The following DPYD variants were observed in gnomAD, a reference collection of about 807,000 sequenced individuals.
The protein encoded by DPYD is dihydropyrimidine dehydrogenase [NADP(+)].
Under a neutral mutation model 116.2 loss-of-function variants are expected in DPYD, and 109 were observed. That is an observed-to-expected ratio of 0.94 (90% CI 0.80 to 1.10). The LOEUF (loss-of-function observed/expected upper bound fraction) is 1.10, where lower values mean the gene tolerates loss of function less well. DPYD is among the 50% of genes least tolerant of loss of function. DPYD has a pLI of 0.00. For synonymous variants in DPYD, 440 were observed against 432.0 expected (o/e 1.02, Z -0.23); for missense variants, 1,302 against 1,254.5 (o/e 1.04, Z -0.57).
At chr1:97,614,207 G>A (rs1656127580) in intron 8 of DPYD, among the ~76,000 whole-genome samples, 1 of 151,900 alleles carries the variant, frequency 6.6e-6, no homozygotes, top group Non-Finnish European at 1.5e-5. Flanking sequence ...ACTTAAATTA[G>A]GATAACCCGA....
chr1:97,389,310 GAAAA>G (rs11349223), intron 14 of DPYD, among the ~76,000 whole-genome samples: 4 of 138,660 alleles, frequency 2.9e-5, no homozygotes, highest in Non-Finnish European at 4.7e-5. Context: ...TTTTGTCTTT[GAAAA>G]AAAAAAAAAA....
intron 13 of DPYD, among the ~76,000 whole-genome samples, chr1:97,475,709 G>C (rs924096430): frequency 6.6e-6 from 1 of 152,178 alleles, no homozygotes; most frequent in Non-Finnish European, 1.5e-5. Flanking sequence ...CTATGTTCCA[G>C]TAAGGCTTTA....
At chr1:97,747,452 T>A (rs1485507691) in intron 3 of DPYD, among the ~76,000 whole-genome samples, 1 of 152,118 alleles carries the variant, frequency 6.6e-6, no homozygotes, top group Non-Finnish European at 1.5e-5. Context: ...TTATTCACCT[T>A]AAAGATGGTG....
intron 11 of DPYD, among the ~76,000 whole-genome samples, chr1:97,572,882 A>C (rs915122511): frequency 2.0e-5 from 3 of 151,982 alleles, no homozygotes; most frequent in African/African-American, 7.2e-5. Flanking sequence ...ATCTCTTCCA[A>C]CTTCAGACAA....
At chr1:97,858,532 T>A (rs974109902) in intron 2 of DPYD, among the ~76,000 whole-genome samples, 2 of 152,124 alleles carry the variant, frequency 1.3e-5, no homozygotes, top group Admixed American at 1.3e-4. Flanking sequence ...AGTACATCTG[T>A]TTTTCCTGTT....
At chr1:97,666,911 G>T (rs1659593785) in intron 8 of DPYD, among the ~76,000 whole-genome samples, 1 of 152,100 alleles carries the variant, frequency 6.6e-6, no homozygotes, top group Non-Finnish European at 1.5e-5. Context: ...CACTTAAAAT[G>T]TTTTTTCTTA....
chr1:97,082,833 T>C (rs1482868763), intron 21 of DPYD, among the ~76,000 whole-genome samples: 2 of 152,116 alleles, frequency 1.3e-5, no homozygotes, highest in Non-Finnish European at 2.9e-5. Context: ...CCAAAAGTAA[T>C]ACAAAGTGAC....
At chr1:97,552,639 A>G (rs1570947464) in intron 11 of DPYD, among the ~76,000 whole-genome samples, 1 of 152,136 alleles carries the variant, frequency 6.6e-6, no homozygotes, top group East Asian at 1.9e-4. Flanking sequence ...TGATTTATTT[A>G]TTCTGTGAAG....
At chr1:97,546,335 C>T in intron 12 of DPYD, 1 of 1,426,278 alleles carries the variant, frequency 7.0e-7, no homozygotes, top group Non-Finnish European at 9.9e-7. Flanking sequence ...CAAAAGCTGG[C>T]AAATGGAGTT....
chr1:97,429,507 G>A (rs1031782147), intron 14 of DPYD, among the ~76,000 whole-genome samples: 11 of 151,992 alleles, frequency 7.2e-5, no homozygotes, highest in African/African-American at 2.4e-4. Context: ...ACATTTAACC[G>A]TTGTGTATAT....
intron 9 of DPYD, 41 bp downstream of exon 9, chr1:97,595,018 T>C (rs757196661): frequency 3.6e-5 from 50 of 1,396,034 alleles, no homozygotes; most frequent in Admixed American, 2.2e-4. Context: ...ATAAATAAAA[T>C]AGCATACTCA....
At chr1:97,198,796 G>C (rs1354732871) in intron 19 of DPYD, among the ~76,000 whole-genome samples, 2 of 152,110 alleles carry the variant, frequency 1.3e-5, no homozygotes, top group Non-Finnish European at 2.9e-5. Flanking sequence ...AAGGATCGTT[G>C]CCACCATTAA....
At chr1:97,675,179 T>A (rs1353203103) in intron 8 of DPYD, among the ~76,000 whole-genome samples, 1 of 152,148 alleles carries the variant, frequency 6.6e-6, no homozygotes, top group East Asian at 1.9e-4. Context: ...GAAACAATGG[T>A]TGTAACCTAT....
At chr1:97,582,973 G>T (rs780966489) in intron 10 of DPYD, among the ~76,000 whole-genome samples, 15 of 152,018 alleles carry the variant, frequency 9.9e-5, no homozygotes, top group Non-Finnish European at 2.1e-4. Flanking sequence ...TTTTGTTGTT[G>T]TTGTTTGTTT....
chr1:97,208,216 C>T (rs1659787844), intron 19 of DPYD, among the ~76,000 whole-genome samples: 1 of 143,752 alleles, frequency 7.0e-6, no homozygotes, highest in Non-Finnish European at 1.5e-5. Flanking sequence ...TCTTCTTTCT[C>T]TTTGTTTCTT....
chr1:97,373,468 C>A, intron 16 of DPYD, 93 bp downstream of exon 16: 1 of 1,060,240 alleles, frequency 9.4e-7, no homozygotes. Flanking sequence ...TCATCTGATC[C>A]ATGCATCTCC....
At chr1:97,109,482 A>C (rs1651433234) in intron 20 of DPYD, among the ~76,000 whole-genome samples, 1 of 152,142 alleles carries the variant, frequency 6.6e-6, no homozygotes, top group Non-Finnish European at 1.5e-5. Flanking sequence ...AAATTGCCTT[A>C]CACAATGGAA....
At chr1:97,666,261 C>T (rs1173507619) in intron 8 of DPYD, among the ~76,000 whole-genome samples, 2 of 152,068 alleles carry the variant, frequency 1.3e-5, no homozygotes, top group East Asian at 3.9e-4. Context: ...CAGCCTTGAC[C>T]TCCTGGGCTC....
chr1:97,702,716 C>A (rs937228244), intron 5 of DPYD, among the ~76,000 whole-genome samples: 2 of 151,816 alleles, frequency 1.3e-5, no homozygotes, highest in African/African-American at 4.8e-5. Flanking sequence ...AAACGCCTAG[C>A]ATATCTGAAC....
Sources: gnomAD v4.1 joint callset for allele counts (sites outside exome capture counted in the v4.1 genomes callset) on GRCh38, gnomAD v4.1.1 for gene constraint, MANE v1.5 for transcripts, NCBI Gene and HGNC (gene_info 2026-07-23, HGNC 2026-07-21) for gene names.